Variants in ADAMTS18 observed in about 807,000 individuals in gnomAD.
ADAMTS18 encodes the protein A disintegrin and metalloproteinase with thrombospondin motifs 18.
Under a neutral mutation model 165.9 loss-of-function variants are expected in ADAMTS18, and 157 were observed. The observed-to-expected ratio is 0.95, with a 90% CI of 0.83 to 1.08. The LOEUF (loss-of-function observed/expected upper bound fraction) is 1.08, where lower values mean the gene tolerates loss of function less well. ADAMTS18 is among the 50% of genes least tolerant of loss of function. The probability of loss-of-function intolerance (pLI) is 0.00; values close to 1 mark genes in which losing one functional copy is unlikely to be tolerated. For missense variants in ADAMTS18, 2,040 were observed against 1,534.0 expected, an observed-to-expected ratio of 1.33 and a Z score of -5.51; for synonymous variants, 782 against 578.2, an observed-to-expected ratio of 1.35 and a Z score of -5.06.
At chr16:77,429,571 C>T (rs184799326) in intron 3 of ADAMTS18, among the ~76,000 whole-genome samples, 2 of 152,146 alleles carry the variant, frequency 1.3e-5, no homozygotes, top group East Asian at 3.9e-4. Context: ...TTCACTTGTA[C>T]CCCTGAACCT....
chr16:77,405,451 T>C (rs1170001645), intron 3 of ADAMTS18, among the ~76,000 whole-genome samples: 2 of 152,170 alleles, frequency 1.3e-5, no homozygotes, highest in Non-Finnish European at 2.9e-5. Flanking sequence ...TCAACTCAAT[T>C]TGATGTTGAG....
At chr16:77,424,871 A>C (rs2057651652) in intron 3 of ADAMTS18, among the ~76,000 whole-genome samples, 1 of 152,130 alleles carries the variant, frequency 6.6e-6, no homozygotes, top group Admixed American at 6.5e-5. Context: ...TATGTAATTC[A>C]ACAAACCCCT....
chr16:77,310,285 T>C (rs758514677), intron 16 of ADAMTS18, among the ~76,000 whole-genome samples: 1 of 152,220 alleles, frequency 6.6e-6, no homozygotes, highest in Non-Finnish European at 1.5e-5. Context: ...ACTGTGCCAA[T>C]TGTGGAAGCT....
chr16:77,430,012 A>G (rs904667753), intron 3 of ADAMTS18, among the ~76,000 whole-genome samples: 6 of 152,196 alleles, frequency 3.9e-5, no homozygotes, highest in African/African-American at 1.4e-4. Context: ...ACTGCTTTCA[A>G]CTACTGGTAT....
intron 10 of ADAMTS18, among the ~76,000 whole-genome samples, chr16:77,344,145 A>G (rs527379376): frequency 6.7e-5 from 9 of 134,184 alleles, no homozygotes; most frequent in Middle Eastern, 8.3e-3. Context: ...ATATATATGT[A>G]TGTGTGTGTG....
intron 10 of ADAMTS18, among the ~76,000 whole-genome samples, chr16:77,344,341 A>AT (rs2056444543): frequency 6.6e-6 from 1 of 151,938 alleles, no homozygotes; most frequent in Non-Finnish European, 1.5e-5. Flanking sequence ...GCTAGAATAT[A>AT]TACATATTCC....
chr16:77,430,593 C>T (rs2057726712), intron 3 of ADAMTS18, among the ~76,000 whole-genome samples: 1 of 152,222 alleles, frequency 6.6e-6, no homozygotes, highest in Admixed American at 6.5e-5. Context: ...ATGAAATCAA[C>T]CCAGAACAAC....
intron 12 of ADAMTS18, among the ~76,000 whole-genome samples, chr16:77,332,223 C>G (rs568944404): frequency 7.4e-4 from 112 of 152,210 alleles, no homozygotes; most frequent in Non-Finnish European, 1.3e-3. Context: ...ATGCTACCAA[C>G]TTAAATTATG....
At chr16:77,400,524 C>G in intron 3 of ADAMTS18, among the ~76,000 whole-genome samples, 1 of 150,552 alleles carries the variant, frequency 6.6e-6, no homozygotes, top group East Asian at 2.0e-4. Flanking sequence ...CTCTGTCGCC[C>G]AGGCTGGAGC....
At chr16:77,348,214 C>T (rs2056505757) in intron 10 of ADAMTS18, among the ~76,000 whole-genome samples, 1 of 152,038 alleles carries the variant, frequency 6.6e-6, no homozygotes, top group Non-Finnish European at 1.5e-5. Context: ...AAATAATGTT[C>T]CTGTCTCTTC....
At chr16:77,369,892 A>G (rs1156702012) in intron 3 of ADAMTS18, among the ~76,000 whole-genome samples, 1 of 152,206 alleles carries the variant, frequency 6.6e-6, no homozygotes, top group Non-Finnish European at 1.5e-5. Context: ...ATTCACCATG[A>G]TCGAGTGGAA....
At chr16:77,348,971 G>C (rs1404497865) in intron 10 of ADAMTS18, among the ~76,000 whole-genome samples, 1 of 152,104 alleles carries the variant, frequency 6.6e-6, no homozygotes, top group Non-Finnish European at 1.5e-5. Flanking sequence ...GGAAATATTT[G>C]GAAAACACAC....
At chr16:77,398,484 T>C (rs2057287416) in intron 3 of ADAMTS18, among the ~76,000 whole-genome samples, 1 of 152,078 alleles carries the variant, frequency 6.6e-6, no homozygotes, top group Admixed American at 6.6e-5. Flanking sequence ...TTCAGAAAAG[T>C]CAGATAACCT....
chr16:77,363,708 G>T, intron 6 of ADAMTS18, 94 bp downstream of exon 6: 1 of 1,155,180 alleles, frequency 8.7e-7, no homozygotes, highest in South Asian at 1.2e-5. Context: ...AGCAGCTAAC[G>T]ACTAGTACAT....
In ADAMTS18 at chr16:77,339,605, A is replaced by AAC. The variant is rs200615166; in HGVS notation, c.1710+2098_1710+2099insGT. On this transcript the variant is annotated intron_variant, in intron 11 of 22. Transcript: ENST00000282849. ...CGATGTTGCTTTTTCAATTAAAAAAAAAAACAAAACACTAATCCTCAAGTC... is the reference window on the plus strand; with the variant it reads ...CGATGTTGCTTTTTCAATTAAAAAAAACAAAACAAAACACTAATCCTCAAGTC... Among the ~76,000 whole-genome samples the AAC allele has an allele frequency of 7.7e-3, 1,165 of 151,828 alleles. 21 individuals carry two copies. The highest frequency in any genetic ancestry group is 0.054 in the East Asian group (279 of 5,174).
At chr16:77,359,548 G>T (rs1316911697) in intron 7 of ADAMTS18, 125 bp from the exon 8 acceptor site, 19 of 627,136 alleles carry the variant, frequency 3.0e-5, no homozygotes, top group South Asian at 1.5e-4. Flanking sequence ...CAGTGTTTTT[G>T]GAAAAAAAAA....
Position 77,295,084 on chromosome 16 carries a change from C to T in ADAMTS18, c.2845G>A (p.Gly949Arg), listed in dbSNP as rs1567459330. 8 of 1,614,182 alleles carry T rather than the reference C, an allele frequency of 5.0e-6. No individual in the cohort carries two copies. Among genetic ancestry groups the T allele is most frequent in the Non-Finnish European group, 6.8e-6 (8 of 1,180,038 alleles). The change falls in exon 19 of 23, where the codon GGA (glycine) becomes AGA (arginine). Residue 949 changes from glycine (G) to arginine (R), a missense_variant. Coordinates refer to ENST00000282849, the MANE Select transcript of ADAMTS18 (RefSeq NM_199355.4). Reference protein sequence around the residue: ...EWSTCSKACAGGQQSRKIQCV... With the variant: ...EWSTCSKACARGQQSRKIQCV... ...TGGATCTTTCGGCTCTGCTGGCCTC[C>T]AGCACAGGCCTTGCTGCATGTACTC...
chr16:77,389,402 T>C (rs1438697744), intron 3 of ADAMTS18, among the ~76,000 whole-genome samples: 2 of 152,172 alleles, frequency 1.3e-5, no homozygotes, highest in African/African-American at 4.8e-5. Flanking sequence ...TTTGTTACAG[T>C]TTTGTTTTGT....
intron 8 of ADAMTS18, among the ~76,000 whole-genome samples, chr16:77,357,300 A>G (rs968963724): frequency 6.6e-6 from 1 of 152,152 alleles, no homozygotes; most frequent in African/African-American, 2.4e-5. Flanking sequence ...TCAGGAAAAT[A>G]GTAGCAGGGC....
Sources: gnomAD v4.1 joint callset for allele counts (sites outside exome capture counted in the v4.1 genomes callset) on GRCh38, gnomAD v4.1.1 for gene constraint, MANE v1.5 for transcripts, NCBI Gene and HGNC (gene_info 2026-07-23, HGNC 2026-07-21) for gene names.